UNKL: variants seen among roughly 807,000 people sequenced by gnomAD.
UNKL encodes the protein putative E3 ubiquitin-protein ligase UNKL.
UNKL carries 60 observed loss-of-function variants against 78.0 expected under a neutral mutation model. The ratio of observed to expected loss-of-function variants is 0.77; its 90% confidence interval spans 0.63 to 0.95. The LOEUF is 0.95. Ranked by LOEUF, UNKL falls within the 40% of genes least tolerant of loss-of-function variation. UNKL has a pLI of 0.00. For synonymous variants in UNKL, 608 were observed against 474.8 expected (o/e 1.28, Z -3.65); for missense variants, 1,159 against 1,045.7 (o/e 1.11, Z -1.49).
At chr16:1,382,646 A>C (rs2036644680) in intron 10 of UNKL, among the ~76,000 whole-genome samples, 4 of 152,212 alleles carry the variant, frequency 2.6e-5, no homozygotes. Context: ...AGTTCCCAGT[A>C]TTTGTGAAAG....
At position 1,374,175 on chromosome 16, in the gene UNKL, G is replaced by A. The variant is rs139451972; in HGVS notation, c.1265-2564C>T. Among the ~76,000 whole-genome samples, 58 of 144,122 alleles carry A rather than the reference G, an allele frequency of 4.0e-4. 1 individual carries two copies. The highest frequency in any genetic ancestry group is 5.4e-4 in the Non-Finnish European group (35 of 64,938). 94.5% of individuals were successfully genotyped at this position (144,122 alleles called of 152,430 possible). ...CACACAGGGACTGCCGGCCAACACC[G>A]CACAGAGACCTCAGCAGCGTGGGGC... On this transcript the variant is annotated intron_variant, in intron 10 of 14. Transcript: ENST00000389221.
At position 1,393,567 on chromosome 16, in the gene UNKL, T is replaced by C. The variant is rs370825777; in HGVS notation, c.937+564A>G. 2.0e-4 allele frequency among the ~76,000 whole-genome samples: 30 copies of C among 152,304 alleles called. No homozygotes were observed. The East Asian group carries it at 5.8e-3, about 29-fold the overall frequency. On this transcript the variant is annotated intron_variant, in intron 7 of 14. Coordinates refer to ENST00000389221, the MANE Select transcript of UNKL (RefSeq NM_001372107.1). ...CTTGTTTCTGCTGCTGGGAACTTAT[T>C]AGGGACCACATAATCGCCAAAGCTA...
Position 1,365,511 on chromosome 16 carries a change from AT to A in UNKL, c.*728del, listed in dbSNP as rs1416567579. 1 of 152,586 alleles carries A rather than the reference AT, an allele frequency of 6.6e-6. No homozygotes were observed. Among genetic ancestry groups the A allele is most frequent in the African/African-American group, 2.4e-5 (1 of 41,478 alleles). 9.5% of individuals were successfully genotyped at this position (152,586 alleles called of 1,614,324 possible). ...TGCTCCCACGCCACGAGGCTGGAAC[AT>A]CAGCCCCAGTGCCTGGTGCACACAC... On this transcript the variant is annotated 3_prime_UTR_variant, in exon 15 of 15. Coordinates refer to ENST00000389221, the MANE Select transcript of UNKL (RefSeq NM_001372107.1).
At chr16:1,371,760 C>T (rs1270396697) in intron 10 of UNKL, 149 bp from the exon 11 acceptor site, 57 of 790,480 alleles carry the variant, frequency 7.2e-5, no homozygotes, top group Non-Finnish European at 6.7e-5. Context: ...GGGAAGGACA[C>T]CCCCAGCCCG....
rs1281123294 is a variant in UNKL at position 1,364,927 on chromosome 16, C to T, written c.*1313G>A. 1 of 152,356 alleles carries T rather than the reference C, an allele frequency of 6.6e-6. No homozygotes were observed. Among genetic ancestry groups the T allele is most frequent in the African/African-American group, 2.4e-5 (1 of 41,416 alleles). The allele number at this position is 152,356 out of a possible 1,614,324, so 9.4% of individuals were successfully genotyped here. On this transcript the variant is annotated 3_prime_UTR_variant, in exon 15 of 15. Coordinates refer to ENST00000389221, the MANE Select transcript of UNKL (RefSeq NM_001372107.1). ...CACTGCCTGACCCCTGCCAGGACGC[C>T]CAGCGACATCTCCAAGGAGCTACAA...
intron 1 of UNKL, 168 bp from the exon 2 acceptor site, chr16:1,414,223 G>T: frequency 2.9e-6 from 2 of 691,574 alleles, no homozygotes; most frequent in East Asian, 5.7e-5. Context: ...GACTCCAGAC[G>T]CGACCCTCAC....
intron 11 of UNKL, among the ~76,000 whole-genome samples, chr16:1,370,961 T>C (rs1226912114): frequency 6.6e-6 from 1 of 151,628 alleles, no homozygotes; most frequent in East Asian, 1.9e-4. Flanking sequence ...CGGGCACCTG[T>C]AGTCCCAGCT....
At position 1,413,941 on chromosome 16, in the gene UNKL, C is replaced by T. The variant is rs2038164459; in HGVS notation, c.192G>A (p.Arg64=). Residue 64 remains arginine, a synonymous_variant, in exon 2 of 15, where the codon AGG becomes AGA. Transcript: ENST00000389221. ...HWHFLNQRRR[R]PLRRRDGTFN... ...AGGTGCCGTCGCGCCTGCGGAGGGG[C>T]CTGCGGCGCCGCTGGTTGAGGAAGT... is the stretch of plus-strand genomic sequence containing the variant. 6.4e-7 allele frequency: 1 copy of T among 1,553,464 alleles called. No individual in the cohort carries two copies. The highest frequency in any genetic ancestry group is 8.7e-7 in the Non-Finnish European group (1 of 1,148,684).
chr16:1,377,985 G>A (rs1312757160), intron 10 of UNKL, among the ~76,000 whole-genome samples: 3 of 152,206 alleles, frequency 2.0e-5, no homozygotes, highest in Non-Finnish European at 2.9e-5. Flanking sequence ...AAGAAAGGAG[G>A]AAGCTTGTGC....
At chr16:1,369,858 C>T in intron 12 of UNKL, 1 of 1,302,994 alleles carries the variant, frequency 7.7e-7, no homozygotes, top group Non-Finnish European at 1.1e-6. Flanking sequence ...GCCTGTAGTC[C>T]CAGCTACTTG....
At chr16:1,394,824 C>T (rs1039769012) in intron 6 of UNKL, among the ~76,000 whole-genome samples, 4 of 152,090 alleles carry the variant, frequency 2.6e-5, no homozygotes, top group Admixed American at 2.6e-4. Context: ...CTGGCCCCAC[C>T]CCCCCATGGC....
At chr16:1,383,753 C>T (rs1320251645) in intron 10 of UNKL, 3 of 423,056 alleles carry the variant, frequency 7.1e-6, no homozygotes, top group Admixed American at 2.5e-5. Flanking sequence ...CCCACATTGA[C>T]GCGGGTCCTG....
chr16:1,377,885 C>T (rs560773716), intron 10 of UNKL, among the ~76,000 whole-genome samples: 1 of 152,064 alleles, frequency 6.6e-6, no homozygotes, highest in Non-Finnish European at 1.5e-5. Flanking sequence ...ACCCACACCC[C>T]CTGAGGCCCA....
intron 10 of UNKL, among the ~76,000 whole-genome samples, chr16:1,383,272 C>CA (rs527382927): frequency 0.21 from 13,515 of 64,864 alleles, 1,050 homozygotes; most frequent in East Asian, 0.56. Flanking sequence ...AACTCCGTCT[C>CA]AAAAAAAAAA....
Position 1,371,503 on chromosome 16 carries a change from T to A in UNKL, c.1357+16A>T. ...GCGGCTGGAGGAGCAGGGCCCCAGG[T>A]CCTCCCCACCCTCACCTGCTGCTCC... On this transcript the variant is annotated intron_variant, in intron 11 of 14. Transcript: ENST00000389221. The A allele has an allele frequency of 6.5e-7, 1 of 1,535,642 alleles. No individual in the cohort carries two copies. Among genetic ancestry groups the A allele is most frequent in the South Asian group, 1.2e-5 (1 of 84,030 alleles).
In UNKL at chr16:1,367,219, A is replaced by G; in HGVS notation, c.1919T>C (p.Leu640Pro). ...EAQVKQLQEE[L>P]EGLGVASTLP... Reference sequence around the variant, plus strand: ...TGTGGAGGCTACGCCCAGGCCCTCCAGCTCCTCCTGCAGCTGCTTCACCTG... The same window carrying G: ...TGTGGAGGCTACGCCCAGGCCCTCCGGCTCCTCCTGCAGCTGCTTCACCTG... The change falls in exon 14 of 15, where the codon CTG (leucine) becomes CCG (proline). Residue 640 changes from leucine to proline, a missense_variant. Transcript: ENST00000389221. 1 of 1,603,124 alleles carries G rather than the reference A, an allele frequency of 6.2e-7. No individual in the cohort carries two copies. Among genetic ancestry groups the G allele is most frequent in the Non-Finnish European group, 8.5e-7 (1 of 1,177,516 alleles).
chr16:1,379,469 C>A (rs1375810124), intron 10 of UNKL: 1 of 984,774 alleles, frequency 1.0e-6, no homozygotes, highest in Non-Finnish European at 1.2e-6. Context: ...TCGCTCCGGG[C>A]CTCTGAGAAG....
Position 1,399,216 on chromosome 16 carries a change from C to T in UNKL, c.734+158G>A. ...AGACGCGTGGGCCTCCATGGCACCT[C>T]CCACAGCCACTGTGCTTGGAGATGC... On this transcript the variant is annotated intron_variant, in intron 5 of 14. Coordinates refer to ENST00000389221, the MANE Select transcript of UNKL (RefSeq NM_001372107.1). This position sits in a 1 kb window ranked among gnomAD's most constrained non-coding sequence, Gnocchi z 5.8. 1 of 1,302,926 alleles carries T rather than the reference C, an allele frequency of 7.7e-7. No individual in the cohort carries two copies. The highest frequency in any genetic ancestry group is 1.0e-6 in the Non-Finnish European group (1 of 982,172). The allele number at this position is 1,302,926 out of a possible 1,614,324, so 80.7% of individuals were successfully genotyped here. A position where few individuals can be genotyped will look rare whatever the true frequency, so the allele number is the denominator to read the frequency against.
chr16:1,390,544 G>A (rs922282221), intron 9 of UNKL, 88 bp downstream of exon 9: 11 of 1,413,108 alleles, frequency 7.8e-6, no homozygotes, highest in Admixed American at 6.2e-5. Context: ...CTGCCCTAAC[G>A]CGATGCCACG....
Sources: allele counts gnomAD v4.1 joint callset (sites outside exome capture counted in the v4.1 genomes callset), GRCh38; gene constraint gnomAD v4.1.1; non-coding constraint Gnocchi (gnomAD v3.1); transcripts MANE v1.5; gene names NCBI Gene and HGNC (gene_info 2026-07-23, HGNC 2026-07-21).